The following USH2A variants were observed in gnomAD, a reference collection of about 807,000 sequenced individuals.
USH2A encodes the protein Usher syndrome 2A (autosomal recessive, mild).
A neutral mutation model predicts 538.9 loss-of-function variants in USH2A; 443 were observed. The observed-to-expected ratio is 0.82, with a 90% confidence interval of 0.76 to 0.89. The LOEUF (loss-of-function observed/expected upper bound fraction) is 0.89. USH2A is among the 40% of genes least tolerant of loss of function. USH2A has a pLI of 0.00. For missense variants in USH2A, 6,633 were observed against 6,324.8 expected (o/e 1.05, Z -1.65); for synonymous variants, 2,413 against 2,273.5 (o/e 1.06, Z -1.75).
intron 21 of USH2A, among the ~76,000 whole-genome samples, chr1:216,150,269 C>G (rs1253654279): frequency 1.3e-5 from 2 of 152,280 alleles, no homozygotes; most frequent in East Asian, 1.9e-4. Flanking sequence ...AACTGCCACT[C>G]TTAACTCCCT....
intron 58 of USH2A, among the ~76,000 whole-genome samples, chr1:215,743,627 G>T (rs1000669001): frequency 6.6e-6 from 1 of 151,236 alleles, no homozygotes; most frequent in Non-Finnish European, 1.5e-5. Flanking sequence ...AGGAGATGGA[G>T]ACCATCCTGG....
At chr1:216,306,541 G>T (rs977175632) in intron 9 of USH2A, among the ~76,000 whole-genome samples, 1 of 152,080 alleles carries the variant, frequency 6.6e-6, no homozygotes. Context: ...TAGATCCATT[G>T]CTGGTAAGCT....
chr1:216,241,777 AC>A (rs1159027233), intron 13 of USH2A, among the ~76,000 whole-genome samples: 1 of 151,526 alleles, frequency 6.6e-6, no homozygotes, highest in Non-Finnish European at 1.5e-5. Flanking sequence ...CAGGTGATCC[AC>A]CCGCCTCAGC....
intron 4 of USH2A, among the ~76,000 whole-genome samples, chr1:216,333,336 G>A (rs1186588811): frequency 2.0e-5 from 3 of 151,752 alleles, no homozygotes; most frequent in Middle Eastern, 3.2e-3. Context: ...TTCACTAGAG[G>A]AGCTCACTAG....
chr1:216,097,269 G>A (rs2032463283), intron 21 of USH2A, 56 bp from the exon 22 acceptor site: 1 of 1,613,018 alleles, frequency 6.2e-7, no homozygotes, highest in South Asian at 1.1e-5. Context: ...GATTCTTTCT[G>A]ATAAATGTAC....
chr1:216,173,672 A>T (rs1194080216), intron 21 of USH2A, among the ~76,000 whole-genome samples: 2 of 152,158 alleles, frequency 1.3e-5, no homozygotes, highest in Non-Finnish European at 2.9e-5. Flanking sequence ...GATAGCGAGG[A>T]TGACCAAATT....
intron 13 of USH2A, among the ~76,000 whole-genome samples, chr1:216,236,872 T>C (rs2035831197): frequency 2.0e-5 from 3 of 152,220 alleles, no homozygotes; most frequent in Non-Finnish European, 2.9e-5. Flanking sequence ...TTCTGTTTCA[T>C]AAATAATCCA....
intron 52 of USH2A, among the ~76,000 whole-genome samples, chr1:215,784,224 T>C (rs146127543): frequency 3.5e-4 from 53 of 152,100 alleles, no homozygotes; most frequent in African/African-American, 1.2e-3. Context: ...CTTGAAGGAG[T>C]ATAGAAAGAC....
chr1:215,931,701 T>G (rs1184688917), intron 38 of USH2A, among the ~76,000 whole-genome samples: 2 of 152,040 alleles, frequency 1.3e-5, no homozygotes, highest in South Asian at 2.1e-4. Flanking sequence ...GACTAATTTA[T>G]TCATTCACCA....
At position 216,226,025 on chromosome 1, in the gene USH2A, A is replaced by G. The variant is rs554506986; in HGVS notation, c.2993+5928T>C. ...GACATATTAAAAAGGAGTAGCCAAA[A>G]AAAGAGTTAGAAAACAAATAAGAGA... On this transcript the variant is annotated intron_variant, in intron 14 of 71. Transcript: ENST00000307340. Among the ~76,000 whole-genome samples, 55 of 152,328 alleles carry G rather than the reference A, an allele frequency of 3.6e-4. No individual in the cohort carries two copies. The Middle Eastern group carries it at 0.017, about 47-fold the overall frequency.
At chr1:215,854,621 G>T (rs1386287512) in intron 44 of USH2A, among the ~76,000 whole-genome samples, 2 of 152,148 alleles carry the variant, frequency 1.3e-5, no homozygotes, top group Non-Finnish European at 2.9e-5. Flanking sequence ...AGAGAAAGAA[G>T]GGCTCCCAAA....
chr1:216,000,337 C>T (rs1668238782), intron 33 of USH2A, 66 bp downstream of exon 33: 17 of 1,599,334 alleles, frequency 1.1e-5, no homozygotes, highest in Non-Finnish European at 1.5e-5. Context: ...CAAGCTCCTC[C>T]CCTGATTGAA....
rs571120216 is a variant in USH2A at position 216,009,039 on chromosome 1, G to A, written c.6326-8477C>T. On this transcript the variant is annotated intron_variant, in intron 32 of 71. Coordinates refer to ENST00000307340, the MANE Select transcript of USH2A (RefSeq NM_206933.4). ...GGGGAGGGGCAAATATCCCAACCTC[G>A]TATCTCTGTGCCCCAATACCTTATT... Among the ~76,000 whole-genome samples, 20 of 151,960 alleles carry A rather than the reference G, an allele frequency of 1.3e-4. 1 individual carries two copies. Among genetic ancestry groups the A allele is most frequent in the Admixed American group, 1.0e-3 (16 of 15,272 alleles).
chr1:215,824,266 AT>A (rs927888253), intron 47 of USH2A, among the ~76,000 whole-genome samples: 3 of 151,894 alleles, frequency 2.0e-5, no homozygotes, highest in African/African-American at 7.3e-5. Context: ...GCATTGAAGG[AT>A]TAGTTATTTA....
At chr1:215,956,502 C>T (rs577864077) in intron 37 of USH2A, among the ~76,000 whole-genome samples, 1 of 152,244 alleles carries the variant, frequency 6.6e-6, no homozygotes, top group Admixed American at 6.5e-5. Context: ...TTCTAACAGG[C>T]TCCTTTCATG....
intron 38 of USH2A, among the ~76,000 whole-genome samples, chr1:215,934,237 G>T (rs904019951): frequency 1.3e-5 from 2 of 151,952 alleles, no homozygotes. Flanking sequence ...AGAACCATTT[G>T]CAGTAGAAAA....
At chr1:215,940,178 G>T (rs1302234567) in intron 37 of USH2A, among the ~76,000 whole-genome samples, 5 of 152,034 alleles carry the variant, frequency 3.3e-5, no homozygotes, top group African/African-American at 1.2e-4. Flanking sequence ...ACACCTTAAG[G>T]TAGAAAAGGT....
intron 58 of USH2A, among the ~76,000 whole-genome samples, chr1:215,757,721 C>T (rs1054771276): frequency 6.6e-6 from 1 of 152,046 alleles, no homozygotes; most frequent in Non-Finnish European, 1.5e-5. Context: ...TGGTGCTTAC[C>T]TCAAAATATA....
At chr1:215,699,346 T>C (rs1190108252) in intron 61 of USH2A, among the ~76,000 whole-genome samples, 1 of 152,214 alleles carries the variant, frequency 6.6e-6, no homozygotes, top group Non-Finnish European at 1.5e-5. Context: ...TTTTTACTAA[T>C]TTCATGAAGA....
Sources: gnomAD v4.1 joint callset for allele counts (sites outside exome capture counted in the v4.1 genomes callset) on GRCh38, gnomAD v4.1.1 for gene constraint, MANE v1.5 for transcripts, NCBI Gene and HGNC (gene_info 2026-07-23, HGNC 2026-07-21) for gene names.